TMPRSS12: variants seen among roughly 807,000 people sequenced by gnomAD.
TMPRSS12 encodes transmembrane protease serine 12.
TMPRSS12 carries 25 observed loss-of-function variants against 26.0 expected under a neutral mutation model. The ratio of observed to expected loss-of-function variants is 0.96; its 90% CI spans 0.70 to 1.34. The LOEUF (loss-of-function observed/expected upper bound fraction) is 1.34, where lower values mean the gene tolerates loss of function less well. Among genes scored for constraint, TMPRSS12 ranks in the 40% most tolerant of loss-of-function variants. The pLI is 0.00. For synonymous variants in TMPRSS12, 150 were observed against 161.7 expected (o/e 0.93, Z 0.55); for missense variants, 441 against 440.1 (o/e 1.00, Z -0.02).
At chr12:50,857,914 C>T (rs575859899) in intron 2 of TMPRSS12, among the ~76,000 whole-genome samples, 2 of 152,096 alleles carry the variant, frequency 1.3e-5, no homozygotes, top group East Asian at 3.9e-4. Context: ...CTGCAAGCCC[C>T]GCCTCCCGGG....
At chr12:50,866,207 C>G (rs1430550150) in intron 3 of TMPRSS12, among the ~76,000 whole-genome samples, 1 of 152,110 alleles carries the variant, frequency 6.6e-6, no homozygotes, top group Non-Finnish European at 1.5e-5. Context: ...GGGAGACACC[C>G]CAAATACTCT....
chr12:50,858,675 G>T (rs1937904381), intron 2 of TMPRSS12, 110 bp from the exon 3 acceptor site: 2 of 847,436 alleles, frequency 2.4e-6, no homozygotes, highest in Non-Finnish European at 1.7e-6. Context: ...CATGAAACTG[G>T]AATTAAAGTT....
At chr12:50,876,628 C>T (rs953004156) in intron 3 of TMPRSS12, among the ~76,000 whole-genome samples, 1 of 151,864 alleles carries the variant, frequency 6.6e-6, no homozygotes, top group African/African-American at 2.4e-5. Context: ...CACGGCGAAA[C>T]CCCGTCTCTA....
Position 50,872,840 on chromosome 12 carries a change from GTCTATATATGTACATATATATGAC to G in TMPRSS12, c.653-12404_653-12381del, listed in dbSNP as rs1938074808. On this transcript the variant is annotated intron_variant, in intron 3 of 4. Coordinates refer to ENST00000398458, the MANE Select transcript of TMPRSS12 (RefSeq NM_182559.3). The stretch of plus-strand genomic sequence containing the variant: ...ACGTATATATGTACATATATATGAC[GTCTATATATGTACATATATATGAC>G]TATATATGTACATATATATGACGTA... Among the ~76,000 whole-genome samples, 32 of 28,370 alleles carry G rather than the reference GTCTATATATGTACATATATATGAC, an allele frequency of 1.1e-3. No homozygotes were observed. In the East Asian group the frequency reaches 0.012, roughly 11 times the overall value. The allele number at this position is 28,370 out of a possible 152,430, so 18.6% of individuals were successfully genotyped here.
chr12:50,858,956 C>T lies in TMPRSS12; in HGVS notation c.555C>T (p.Asp185=). 2.5e-6 allele frequency: 4 copies of T among 1,592,472 alleles called. No homozygotes were observed. The highest frequency in any genetic ancestry group is 3.4e-6 in the Non-Finnish European group (4 of 1,168,302). Residue 185 remains aspartate, a synonymous_variant, in exon 3 of 5, where the codon GAC becomes GAT. Coordinates refer to ENST00000398458, the MANE Select transcript of TMPRSS12 (RefSeq NM_182559.3). ...TAAAAAAAGCAGTGAGGTATAATGA[C>T]TATATTCAGCCTATTTGCCTACCTT... ...FHLKKAVRYN[D]YIQPICLPFD...
At chr12:50,852,020 GA>G (rs1215121198) in intron 2 of TMPRSS12, among the ~76,000 whole-genome samples, 1 of 152,096 alleles carries the variant, frequency 6.6e-6, no homozygotes, top group Non-Finnish European at 1.5e-5. Context: ...ATTACCACCA[GA>G]CCTGCCTTAC....
chr12:50,875,469 G>A (rs1451567519), intron 3 of TMPRSS12, among the ~76,000 whole-genome samples: 3 of 112,912 alleles, frequency 2.7e-5, no homozygotes, highest in Non-Finnish European at 5.0e-5. Context: ...AAGCCTGGGC[G>A]ACAGAGCAAG....
At chr12:50,858,529 T>TCC (rs2139724950) in intron 2 of TMPRSS12, among the ~76,000 whole-genome samples, 1 of 152,342 alleles carries the variant, frequency 6.6e-6, no homozygotes, top group African/African-American at 2.4e-5. Flanking sequence ...CATTCTTTTG[T>TCC]CCATTGGTAC....
At chr12:50,872,482 C>T (rs987195946) in intron 3 of TMPRSS12, among the ~76,000 whole-genome samples, 9 of 123,622 alleles carry the variant, frequency 7.3e-5, no homozygotes, top group African/African-American at 1.6e-4. Context: ...CACTGCAGTC[C>T]GCAGTCTGGC....
At position 50,887,666 on chromosome 12, in the gene TMPRSS12, C is replaced by A; in HGVS notation, c.*153C>A. ...GGCTATAAGTATTGTGACAGATATA[C>A]AATTGTAATTTTGGCACTGAATCAC... On this transcript the variant is annotated 3_prime_UTR_variant, in exon 5 of 5. Transcript: ENST00000398458. 1 of 937,388 alleles carries A rather than the reference C, an allele frequency of 1.1e-6. No individual in the cohort carries two copies. Among genetic ancestry groups the A allele is most frequent in the Non-Finnish European group, 1.5e-6 (1 of 651,488 alleles). The allele number at this position is 937,388 out of a possible 1,614,324, so 58.1% of individuals were successfully genotyped here.
At chr12:50,856,986 G>C (rs953514353) in intron 2 of TMPRSS12, among the ~76,000 whole-genome samples, 1 of 151,946 alleles carries the variant, frequency 6.6e-6, no homozygotes, top group African/African-American at 2.4e-5. Flanking sequence ...CACCATGCCC[G>C]GCCTAGAACA....
At chr12:50,857,358 G>C (rs1937887576) in intron 2 of TMPRSS12, among the ~76,000 whole-genome samples, 1 of 152,178 alleles carries the variant, frequency 6.6e-6, no homozygotes, top group African/African-American at 2.4e-5. Context: ...TGCAAATGCA[G>C]CTTTTTTAGG....
intron 3 of TMPRSS12, among the ~76,000 whole-genome samples, chr12:50,876,427 C>A (rs1451465303): frequency 2.0e-5 from 3 of 152,134 alleles, no homozygotes; most frequent in Non-Finnish European, 4.4e-5. Flanking sequence ...ATCATTCTAC[C>A]AAAAAGACGC....
chr12:50,887,596 A>C lies in TMPRSS12; in HGVS notation c.*83A>C. The stretch of plus-strand genomic sequence containing the variant: ...TATAATGAACATCATTTATTCTTCT[A>C]GCAATTAATTGCCTACATTAGAGAT... On this transcript the variant is annotated 3_prime_UTR_variant, in exon 5 of 5. Coordinates refer to ENST00000398458, the MANE Select transcript of TMPRSS12 (RefSeq NM_182559.3). 6.7e-7 allele frequency: 1 copy of C among 1,493,230 alleles called. No individual in the cohort carries two copies. The highest frequency in any genetic ancestry group is 8.9e-7 in the Non-Finnish European group (1 of 1,117,452). The allele number at this position is 1,493,230 out of a possible 1,614,324, so 92.5% of individuals were successfully genotyped here. A position where few individuals can be genotyped will look rare whatever the true frequency, so the allele number is the denominator to read the frequency against.
At chr12:50,846,308 AT>A (rs1937766443) in intron 2 of TMPRSS12, among the ~76,000 whole-genome samples, 1 of 152,054 alleles carries the variant, frequency 6.6e-6, no homozygotes, top group Non-Finnish European at 1.5e-5. Context: ...TTTTGAGTCC[AT>A]TTTTGCATAA....
At chr12:50,867,797 T>C (rs539673557) in intron 3 of TMPRSS12, among the ~76,000 whole-genome samples, 4 of 151,524 alleles carry the variant, frequency 2.6e-5, no homozygotes, top group Non-Finnish European at 4.4e-5. Flanking sequence ...CCCTACAAGC[T>C]AGAGGGGATT....
intron 3 of TMPRSS12, among the ~76,000 whole-genome samples, chr12:50,870,851 CAA>C (rs55702806): frequency 0.24 from 33,648 of 138,606 alleles, 4,733 homozygotes; most frequent in Non-Finnish European, 0.34. Flanking sequence ...ATGATAGTTG[CAA>C]AAAAAAAAAA....
chr12:50,864,686 T>C (rs981188690), intron 3 of TMPRSS12, among the ~76,000 whole-genome samples: 1 of 152,012 alleles, frequency 6.6e-6, no homozygotes, highest in Non-Finnish European at 1.5e-5. Flanking sequence ...TGAGACGGAG[T>C]CTTGCTCTGT....
At chr12:50,870,212 A>AAAAAC (rs1012185402) in intron 3 of TMPRSS12, among the ~76,000 whole-genome samples, 40 of 152,234 alleles carry the variant, frequency 2.6e-4, no homozygotes, top group African/African-American at 8.7e-4. Flanking sequence ...AACAACAACA[A>AAAAAC]AAAACAAAAC....
Sources: gnomAD v4.1 joint callset for allele counts (sites outside exome capture counted in the v4.1 genomes callset) on GRCh38, gnomAD v4.1.1 for gene constraint, MANE v1.5 for transcripts, NCBI Gene and HGNC (gene_info 2026-07-23, HGNC 2026-07-21) for gene names.